TM9SF2: variants seen among roughly 807,000 people sequenced by gnomAD.
TM9SF2 encodes transmembrane 9 superfamily member 2.
A neutral mutation model predicts 84.9 loss-of-function variants in TM9SF2; 13 were observed. The ratio of observed to expected loss-of-function variants is 0.15; its 90% CI spans 0.10 to 0.24. TM9SF2 has a LOEUF of 0.24. Among genes scored for constraint, TM9SF2 ranks in the 10% least tolerant of loss-of-function variants. TM9SF2 has a pLI of 1.00. For synonymous variants in TM9SF2, 273 were observed against 285.8 expected, an observed-to-expected ratio of 0.96 and a Z score of 0.45; for missense variants, 562 against 818.5, an observed-to-expected ratio of 0.69 and a Z score of 3.82.
chr13:99,530,080 CA>C (rs36003040), intron 4 of TM9SF2, among the ~76,000 whole-genome samples: 29,970 of 133,706 alleles, frequency 0.22, 3,180 homozygotes, highest in African/African-American at 0.28. Context: ...TTATTGCTTA[CA>C]AAAAAAAAAA....
chr13:99,542,044 G>A (rs959349175), intron 9 of TM9SF2, among the ~76,000 whole-genome samples: 2 of 151,900 alleles, frequency 1.3e-5, no homozygotes, highest in Non-Finnish European at 2.9e-5. Flanking sequence ...CAGCTACCTC[G>A]GGAGGCTGAG....
chr13:99,557,609 G>A (rs1165551827), intron 15 of TM9SF2, among the ~76,000 whole-genome samples: 1 of 152,112 alleles, frequency 6.6e-6, no homozygotes, highest in Non-Finnish European at 1.5e-5. Context: ...GGCTGAGTGT[G>A]GTGGTTCACG....
chr13:99,526,604 G>A (rs914880921), intron 3 of TM9SF2, among the ~76,000 whole-genome samples: 1 of 152,144 alleles, frequency 6.6e-6, no homozygotes, highest in African/African-American at 2.4e-5. Context: ...TTGAAATGGA[G>A]ATAATGGCTG....
At chr13:99,553,340 T>G (rs1566573579) in intron 13 of TM9SF2, among the ~76,000 whole-genome samples, 1 of 152,244 alleles carries the variant, frequency 6.6e-6, no homozygotes, top group Non-Finnish European at 1.5e-5. Context: ...GCTGAAGGAT[T>G]TTTTTAAACT....
intron 3 of TM9SF2, 33 bp downstream of exon 3, chr13:99,520,162 C>T (rs747844770): frequency 6.5e-7 from 1 of 1,549,300 alleles, no homozygotes; most frequent in Admixed American, 1.9e-5. Context: ...TAATTATTTA[C>T]TTACAGCTTT....
At chr13:99,547,598 C>A (rs530421788) in intron 11 of TM9SF2, among the ~76,000 whole-genome samples, 1 of 152,190 alleles carries the variant, frequency 6.6e-6, no homozygotes, top group South Asian at 2.1e-4. Flanking sequence ...ATTTTGGAGA[C>A]CTGGAAAGTT....
At position 99,501,735 on chromosome 13, in the gene TM9SF2, C is replaced by G. The variant is rs755254521; in HGVS notation, c.129C>G (p.Pro43=). 9.3e-6 allele frequency: 15 copies of G among 1,612,004 alleles called. No individual in the cohort carries two copies. In the South Asian group the frequency reaches 9.9e-5, roughly 11 times the overall value. ...CTTTCTACCTGCCCGGCCTGGCGCC[C>G]GTCAACTTCTGCGACGAAGAAAAAA... ...SGAFYLPGLA[P]VNFCDEEKKS... Residue 43 remains proline, a synonymous_variant, in exon 1 of 17, where the codon CCC becomes CCG. Coordinates refer to ENST00000376387, the MANE Select transcript of TM9SF2 (RefSeq NM_004800.3).
At chr13:99,540,202 T>C in intron 7 of TM9SF2, among the ~76,000 whole-genome samples, 1 of 152,174 alleles carries the variant, frequency 6.6e-6, no homozygotes, top group Non-Finnish European at 1.5e-5. Context: ...ACTCTATTTT[T>C]TAAAACTTTT....
chr13:99,507,131 A>G (rs2046092062), intron 1 of TM9SF2, among the ~76,000 whole-genome samples: 1 of 152,234 alleles, frequency 6.6e-6, no homozygotes, highest in South Asian at 2.1e-4. Flanking sequence ...TAGATGAGGA[A>G]ACAGAAGCTC....
rs573394874 is a variant in TM9SF2 at position 99,563,458 on chromosome 13, G to A, written c.*700G>A. On this transcript the variant is annotated 3_prime_UTR_variant, in exon 17 of 17. Coordinates refer to ENST00000376387, the MANE Select transcript of TM9SF2 (RefSeq NM_004800.3). ...TAAATACAGATCTATTTACCAAGGT[G>A]TTTTGAAATGATTTATACTATTTTA... 1 of 152,258 alleles carries A rather than the reference G, an allele frequency of 6.6e-6. No individual in the cohort carries two copies. The highest frequency in any genetic ancestry group is 1.5e-5 in the Non-Finnish European group (1 of 68,006). The allele number at this position is 152,258 out of a possible 1,614,324, so 9.4% of individuals were successfully genotyped here.
intron 4 of TM9SF2, among the ~76,000 whole-genome samples, chr13:99,535,523 C>T (rs2046230157): frequency 6.6e-6 from 1 of 152,068 alleles, no homozygotes; most frequent in African/African-American, 2.4e-5. Flanking sequence ...ATTTTATAGT[C>T]TTTTCATTGG....
At position 99,537,621 on chromosome 13, in the gene TM9SF2, G is replaced by T. The variant is rs2046240148; in HGVS notation, c.592-118G>T. 3.7e-6 allele frequency: 3 copies of T among 812,176 alleles called. No individual in the cohort carries two copies. In the East Asian group the frequency reaches 8.7e-5, roughly 24 times the overall value. The allele number at this position is 812,176 out of a possible 1,614,324, so 50.3% of individuals were successfully genotyped here. A position where few individuals can be genotyped will look rare whatever the true frequency, so the allele number is the denominator to read the frequency against. On this transcript the variant is annotated intron_variant, in intron 5 of 16. Coordinates refer to ENST00000376387, the MANE Select transcript of TM9SF2 (RefSeq NM_004800.3). ...AAATTGAAACATGTTAATGTGAAAG[G>T]CTTAAAATTCCATTCAAACTTAAAT...
intron 11 of TM9SF2, among the ~76,000 whole-genome samples, chr13:99,547,586 T>C (rs1328054134): frequency 6.6e-6 from 1 of 152,236 alleles, no homozygotes; most frequent in Non-Finnish European, 1.5e-5. Flanking sequence ...AAAGATCTCA[T>C]TATTTTGGAG....
intron 15 of TM9SF2, among the ~76,000 whole-genome samples, chr13:99,558,583 G>A (rs1459494776): frequency 6.6e-6 from 1 of 151,902 alleles, no homozygotes; most frequent in African/African-American, 2.4e-5. Context: ...TATTCTTTTG[G>A]GTGCTATTTT....
chr13:99,503,480 G>A (rs562019839), intron 1 of TM9SF2, among the ~76,000 whole-genome samples: 124 of 152,230 alleles, frequency 8.1e-4, no homozygotes, highest in African/African-American at 2.8e-3. Flanking sequence ...AGGCCGAGGC[G>A]GGTGGATCAC....
intron 14 of TM9SF2, among the ~76,000 whole-genome samples, chr13:99,555,107 C>G (rs1474496386): frequency 5.3e-5 from 8 of 152,262 alleles, no homozygotes; most frequent in African/African-American, 1.9e-4. Flanking sequence ...AAAGTTAGAA[C>G]TAAATTTGAG....
chr13:99,545,345 T>A (rs561756735), intron 10 of TM9SF2, among the ~76,000 whole-genome samples: 1 of 152,254 alleles, frequency 6.6e-6, no homozygotes, highest in South Asian at 2.1e-4. Context: ...CTTTTTTTTT[T>A]AATCTACTAA....
intron 13 of TM9SF2, 93 bp from the exon 14 acceptor site, chr13:99,554,211 A>G (rs1350051382): frequency 6.9e-7 from 1 of 1,449,022 alleles, no homozygotes; most frequent in Admixed American, 2.1e-5. Flanking sequence ...ACAACATAGA[A>G]GCTGAAAAAA....
At chr13:99,535,309 T>C (rs997409803) in intron 4 of TM9SF2, among the ~76,000 whole-genome samples, 5 of 152,244 alleles carry the variant, frequency 3.3e-5, no homozygotes, top group Non-Finnish European at 7.3e-5. Context: ...TGTGCTTTAA[T>C]TTCTCATTTT....
Sources: gnomAD v4.1 joint callset for allele counts (sites outside exome capture counted in the v4.1 genomes callset) on GRCh38, gnomAD v4.1.1 for gene constraint, MANE v1.5 for transcripts, NCBI Gene and HGNC (gene_info 2026-07-23, HGNC 2026-07-21) for gene names.